Variants in GAN observed in about 807,000 individuals in gnomAD.
The protein encoded by GAN is gigaxonin.
A neutral mutation model predicts 71.3 loss-of-function variants in GAN; 48 were observed. The observed-to-expected ratio is 0.67, with a 90% confidence interval of 0.53 to 0.86. GAN has a LOEUF of 0.86. Among genes scored for constraint, GAN ranks in the 40% least tolerant of loss-of-function variants. The pLI, the probability that GAN is intolerant of heterozygous loss-of-function variation, is 0.00. For missense variants in GAN, 928 were observed against 770.1 expected, an observed-to-expected ratio of 1.21 and a Z score of -2.43; for synonymous variants, 386 against 276.8, an observed-to-expected ratio of 1.39 and a Z score of -3.92.
chr16:81,316,208 G>A (rs897561632), intron 1 of GAN, among the ~76,000 whole-genome samples: 1 of 152,050 alleles, frequency 6.6e-6, no homozygotes, highest in Non-Finnish European at 1.5e-5. Flanking sequence ...AGGAAAGGGG[G>A]GAATGCTAAA....
rs916832288 is a variant in GAN, at chr16:81,384,641, A to G, written c.*7045A>G. On this transcript the variant is annotated 3_prime_UTR_variant, in exon 11 of 11. Transcript: ENST00000648994. ...CTTTAATTTTGATGAAAATCTACTCATTGCTAAGATCCTCCTCACTTAAAG... is the reference window on the plus strand; with the variant it reads ...CTTTAATTTTGATGAAAATCTACTCGTTGCTAAGATCCTCCTCACTTAAAG... The G allele has an allele frequency of 2.6e-5, 4 of 152,162 alleles. No homozygotes were observed. The highest frequency in any genetic ancestry group is 9.7e-5 in the African/African-American group (4 of 41,420). 9.4% of individuals were successfully genotyped at this position (152,162 alleles called of 1,614,324 possible).
intron 1 of GAN, among the ~76,000 whole-genome samples, chr16:81,339,425 A>G (rs567479922): frequency 1.3e-5 from 2 of 152,344 alleles, no homozygotes; most frequent in African/African-American, 4.8e-5. Context: ...AGCACTTCAC[A>G]TTTAAAGACT....
rs1050241075 is a variant in GAN at position 81,356,804 on chromosome 16, T to C, written c.653T>C (p.Met218Thr). The change falls in exon 4 of 11, where the codon ATG (methionine) becomes ACG (threonine). Residue 218 changes from methionine (M) to threonine (T), a missense_variant. Coordinates refer to ENST00000648994, the MANE Select transcript of GAN (RefSeq NM_022041.4). ...CTGCAGGTCCACATGAAGGATGTTATGTCAGCTCTGTGGGTTTCAGGGTTG... is the reference window on the plus strand; with the variant it reads ...CTGCAGGTCCACATGAAGGATGTTACGTCAGCTCTGTGGGTTTCAGGGTTG... ...EIRKVHMKDV[M>T]SALWVSGLDS... 4.3e-6 allele frequency: 7 copies of C among 1,612,448 alleles called. No individual in the cohort carries two copies. The highest frequency in any genetic ancestry group is 2.7e-5 in the African/African-American group (2 of 74,902).
At chr16:81,364,851 T>C in intron 7 of GAN, 123 bp from the exon 8 acceptor site, 1 of 943,778 alleles carries the variant, frequency 1.1e-6, no homozygotes. Context: ...CACCATCGTT[T>C]TACGGTTAGA....
chr16:81,365,592 G>A, intron 9 of GAN, 114 bp downstream of exon 9: 1 of 1,043,274 alleles, frequency 9.6e-7, no homozygotes, highest in Non-Finnish European at 1.5e-6. Context: ...GGATTTAGGA[G>A]ATAACGTCTC....
chr16:81,323,479 A>G lies in GAN; in HGVS notation c.167+8199A>G, dbSNP rs1909283939. Among the ~76,000 whole-genome samples, 5 of 152,202 alleles carry G rather than the reference A, an allele frequency of 3.3e-5. No homozygotes were observed. In the South Asian group the frequency reaches 1.0e-3, roughly 32 times the overall value. On this transcript the variant is annotated intron_variant, in intron 1 of 10. Transcript: ENST00000648994. ...TCATAATAAGTCTTGGGACATCCTT[A>G]AGAAATGTCATCACTGCCTTAACCC...
chr16:81,331,235 C>G (rs538558153), intron 1 of GAN, among the ~76,000 whole-genome samples: 3 of 152,166 alleles, frequency 2.0e-5, no homozygotes, highest in East Asian at 1.9e-4. Flanking sequence ...AGTTGAGGAA[C>G]GAGATGCGAA....
chr16:81,360,163 TCTTC>T (rs1161299193), intron 5 of GAN, among the ~76,000 whole-genome samples: 1 of 152,182 alleles, frequency 6.6e-6, no homozygotes, highest in Non-Finnish European at 1.5e-5. Context: ...CTTTCTTCGT[TCTTC>T]CTTCTTAACT....
chr16:81,332,857 C>T (rs1436667995), intron 1 of GAN, among the ~76,000 whole-genome samples: 2 of 152,162 alleles, frequency 1.3e-5, no homozygotes, highest in Non-Finnish European at 2.9e-5. Flanking sequence ...ATATCATGTC[C>T]TCTTCAGTGC....
At position 81,344,944 on chromosome 16, in the gene GAN, A is replaced by G. The variant is rs553644005; in HGVS notation, c.168-6639A>G. ...AACCCCATCGAAAAATGGGCAAAGG[A>G]TATGAACAGTCACTTCTCAAAAGAA... On this transcript the variant is annotated intron_variant, in intron 1 of 10. Transcript: ENST00000648994. Among the ~76,000 whole-genome samples the G allele has an allele frequency of 2.0e-5, 3 of 152,358 alleles. No individual in the cohort carries two copies. The East Asian group carries it at 5.8e-4, about 29-fold the overall frequency.
intron 2 of GAN, among the ~76,000 whole-genome samples, chr16:81,354,028 G>A (rs185661463): frequency 2.0e-5 from 3 of 152,222 alleles, no homozygotes; most frequent in Admixed American, 2.0e-4. Context: ...TCTGATGCTG[G>A]TACTTAATCA....
Position 81,354,441 on chromosome 16 carries a change from C to T in GAN, c.319C>T (p.Gln107Ter). 1 of 1,612,858 alleles carries T rather than the reference C, an allele frequency of 6.2e-7. No individual in the cohort carries two copies. The highest frequency in any genetic ancestry group is 8.5e-7 in the Non-Finnish European group (1 of 1,178,834). The change falls in exon 3 of 11, where the codon CAG (glutamine) becomes TAG (stop). Residue 107 changes from glutamine (Q) to a stop codon, truncating the protein, a stop_gained. Coordinates refer to ENST00000648994, the MANE Select transcript of GAN (RefSeq NM_022041.4). LOFTEE classifies it high-confidence loss of function. ...LNEDTIQDVV[Q>*]AADLLLLTDL... ...TGAAGATACAATCCAAGATGTTGTT[C>T]AGGCAGCTGACCTGCTGCTACTGAC...
chr16:81,324,510 A>G (rs1909317901), intron 1 of GAN, among the ~76,000 whole-genome samples: 1 of 152,124 alleles, frequency 6.6e-6, no homozygotes, highest in Non-Finnish European at 1.5e-5. Context: ...CTCTCTGGGA[A>G]CAGAACACCA....
Position 81,379,963 on chromosome 16 carries a change from T to G in GAN, c.*2367T>G, listed in dbSNP as rs182668362. 1.4e-3 allele frequency: 218 copies of G among 152,608 alleles called. No homozygotes were observed. Among genetic ancestry groups the G allele is most frequent in the African/African-American group, 5.1e-3 (213 of 41,540 alleles). 9.5% of individuals were successfully genotyped at this position (152,608 alleles called of 1,614,324 possible). A position where few individuals can be genotyped will look rare whatever the true frequency, so the allele number is the denominator to read the frequency against. ...TCATTGACTCTATAACTGCAGAAATTAGATAATGTTTTATAAAATAAATTT... is the reference window on the plus strand; with the variant it reads ...TCATTGACTCTATAACTGCAGAAATGAGATAATGTTTTATAAAATAAATTT... On this transcript the variant is annotated 3_prime_UTR_variant, in exon 11 of 11. Coordinates refer to ENST00000648994, the MANE Select transcript of GAN (RefSeq NM_022041.4).
chr16:81,361,963 A>G (rs961866799), intron 5 of GAN, among the ~76,000 whole-genome samples: 2 of 152,242 alleles, frequency 1.3e-5, no homozygotes, highest in South Asian at 4.1e-4. Context: ...GTGCTGAGCC[A>G]CCACCACCCG....
Position 81,387,518 on chromosome 16 carries a change from G to GTT in GAN, c.*9926_*9927dup, listed in dbSNP as rs1378902472. 2 of 152,590 alleles carry GTT rather than the reference G, an allele frequency of 1.3e-5. No individual in the cohort carries two copies. Among genetic ancestry groups the GTT allele is most frequent in the Non-Finnish European group, 2.9e-5 (2 of 68,380 alleles). The allele number at this position is 152,590 out of a possible 1,614,324, so 9.5% of individuals were successfully genotyped here. A position where few individuals can be genotyped will look rare whatever the true frequency, so the allele number is the denominator to read the frequency against. On this transcript the variant is annotated 3_prime_UTR_variant, in exon 11 of 11. Coordinates refer to ENST00000648994, the MANE Select transcript of GAN (RefSeq NM_022041.4). ...TGTGTGTCCTGACCCCTCTTGCCTT[G>GTT]TTTTTGATCTGCTCAGGCCGGGTGC...
chr16:81,334,743 C>T (rs910512708), intron 1 of GAN, among the ~76,000 whole-genome samples: 4 of 152,168 alleles, frequency 2.6e-5, no homozygotes, highest in African/African-American at 9.7e-5. Flanking sequence ...CAGAAAAGCT[C>T]ACAACCACTC....
chr16:81,328,874 G>A (rs570575573), intron 1 of GAN, among the ~76,000 whole-genome samples: 66 of 152,228 alleles, frequency 4.3e-4, no homozygotes, highest in African/African-American at 1.2e-3. Context: ...TGTGGTCTTG[G>A]TCACATATTC....
intron 1 of GAN, among the ~76,000 whole-genome samples, chr16:81,327,576 T>C (rs554371703): frequency 1.3e-4 from 19 of 150,748 alleles, no homozygotes; most frequent in Non-Finnish European, 1.9e-4. Context: ...TGCTTTCATT[T>C]TGGATTTATT....
Sources: allele counts gnomAD v4.1 joint callset (sites outside exome capture counted in the v4.1 genomes callset), GRCh38; gene constraint gnomAD v4.1.1; transcripts MANE v1.5; gene names NCBI Gene and HGNC (gene_info 2026-07-23, HGNC 2026-07-21).